Variants in SLF2 observed in about 807,000 individuals in gnomAD.
SLF2 encodes SMC5/6 complex localization factor 2.
In SLF2, 68 loss-of-function variants were observed where a neutral mutation model predicts 124.3. That is an observed-to-expected ratio of 0.55 (90% CI 0.45 to 0.67). SLF2 has a LOEUF of 0.67. SLF2 is among the 30% of genes least tolerant of loss of function. The pLI is 0.00. For synonymous variants in SLF2, 480 were observed against 478.8 expected (o/e 1.00, Z -0.03); for missense variants, 1,246 against 1,373.7 (o/e 0.91, Z 1.47).
At chr10:100,937,236 C>G (rs1401179884) in intron 9 of SLF2, among the ~76,000 whole-genome samples, 166 bp from the exon 10 acceptor site, 1 of 152,154 alleles carries the variant, frequency 6.6e-6, no homozygotes, top group Admixed American at 6.5e-5. Flanking sequence ...GTCTCAAACT[C>G]CTAAGCTCAA....
chr10:100,947,744 T>G lies in SLF2; in HGVS notation c.3033-16T>G. The stretch of plus-strand genomic sequence containing the variant: ...AATTAAAATACATTCTAAATACTTT[T>G]AACTTCTAATTCTAGGCAACTGAGA... On this transcript the variant is annotated splice_polypyrimidine_tract_variant and intron_variant, in intron 14 of 19. Coordinates refer to ENST00000238961, the MANE Select transcript of SLF2 (RefSeq NM_018121.4). The G allele has an allele frequency of 6.4e-7, 1 of 1,573,500 alleles. No homozygotes were observed. Among genetic ancestry groups the G allele is most frequent in the South Asian group, 1.1e-5 (1 of 89,148 alleles).
At chr10:100,934,231 G>A (rs1388612673) in intron 9 of SLF2, among the ~76,000 whole-genome samples, 1 of 152,216 alleles carries the variant, frequency 6.6e-6, no homozygotes, top group Admixed American at 6.5e-5. Context: ...ATCTCAGAGT[G>A]TTGATACGTT....
chr10:100,942,448 G>A (rs1220244507), intron 11 of SLF2, among the ~76,000 whole-genome samples: 3 of 152,146 alleles, frequency 2.0e-5, no homozygotes, highest in Admixed American at 6.5e-5. Flanking sequence ...ATGGGGATGG[G>A]AGTGCATAGA....
chr10:100,928,290 A>C (rs921005247), intron 6 of SLF2, among the ~76,000 whole-genome samples: 1 of 152,146 alleles, frequency 6.6e-6, no homozygotes, highest in African/African-American at 2.4e-5. Flanking sequence ...ACATATCTCA[A>C]ACTTGATAAC....
In SLF2 at chr10:100,959,514, A is replaced by T; in HGVS notation, c.3486+18A>T. The T allele has an allele frequency of 6.2e-7, 1 of 1,612,696 alleles. No individual in the cohort carries two copies. Among genetic ancestry groups the T allele is most frequent in the Non-Finnish European group, 8.5e-7 (1 of 1,179,572 alleles). ...CTACTCAGGTGTCATTTTGTTATAC[A>T]ATTTCATGTATTCTTAATAGTTTTG... On this transcript the variant is annotated intron_variant, in intron 19 of 19. Transcript: ENST00000238961.
intron 1 of SLF2, chr10:100,913,881 TC>T (rs1310062424): frequency 1.0e-6 from 1 of 985,080 alleles, no homozygotes; most frequent in African/African-American, 1.7e-5. Flanking sequence ...ATGTTTAAAT[TC>T]CCTACGAACT....
chr10:100,956,650 C>T, intron 18 of SLF2, 113 bp downstream of exon 18: 2 of 698,420 alleles, frequency 2.9e-6, no homozygotes, highest in South Asian at 2.2e-5. Flanking sequence ...TAAGGCTAGG[C>T]ATGGTGGCTC....
At position 100,964,519 on chromosome 10, in the gene SLF2, C is replaced by T. The variant is rs1011591899; in HGVS notation, c.*2607C>T. Reference sequence around the variant, plus strand: ...TAAAGTAACAGCATTTGTACATTTTCTATCTCCTGATGGCAGTGGTGCCTT... The same window carrying T: ...TAAAGTAACAGCATTTGTACATTTTTTATCTCCTGATGGCAGTGGTGCCTT... On this transcript the variant is annotated 3_prime_UTR_variant, in exon 20 of 20. Coordinates refer to ENST00000238961, the MANE Select transcript of SLF2 (RefSeq NM_018121.4). 4.6e-5 allele frequency: 7 copies of T among 152,634 alleles called. No homozygotes were observed. 9.5% of individuals were successfully genotyped at this position (152,634 alleles called of 1,614,324 possible).
rs1849343948 is a variant in SLF2 at position 100,913,008 on chromosome 10, C to T, written c.-103C>T. The T allele has an allele frequency of 4.6e-6, 6 of 1,301,210 alleles. No homozygotes were observed. The highest frequency in any genetic ancestry group is 6.4e-6 in the Non-Finnish European group (6 of 937,948). The allele number at this position is 1,301,210 out of a possible 1,614,324, so 80.6% of individuals were successfully genotyped here. ...CATGAAGAGAGAAGGGGGTGCCGCC[C>T]ACCTCTGCTCCGACAGCCTCCCGGA... On this transcript the variant is annotated 5_prime_UTR_variant, in exon 1 of 20. Coordinates refer to ENST00000238961, the MANE Select transcript of SLF2 (RefSeq NM_018121.4).
intron 11 of SLF2, among the ~76,000 whole-genome samples, chr10:100,939,726 A>G (rs911961565): frequency 1.8e-4 from 28 of 152,182 alleles, no homozygotes; most frequent in African/African-American, 6.5e-4. Flanking sequence ...TTTCAAGTCA[A>G]TAAGAAAAAG....
intron 19 of SLF2, 61 bp downstream of exon 19, chr10:100,959,557 T>G: frequency 6.3e-7 from 1 of 1,595,936 alleles, no homozygotes; most frequent in Non-Finnish European, 8.5e-7. Flanking sequence ...GCACTCTTCA[T>G]ACTGTTTGAA....
At chr10:100,956,213 C>T (rs966555717) in intron 17 of SLF2, among the ~76,000 whole-genome samples, 2 of 151,926 alleles carry the variant, frequency 1.3e-5, no homozygotes, top group African/African-American at 4.8e-5. Flanking sequence ...TTCATTAATG[C>T]GAGTTAATGC....
At chr10:100,956,275 T>C (rs1032235082) in intron 17 of SLF2, among the ~76,000 whole-genome samples, 176 bp from the exon 18 acceptor site, 2 of 152,170 alleles carry the variant, frequency 1.3e-5, no homozygotes, top group African/African-American at 4.8e-5. Context: ...AGTAATCTTA[T>C]TGTCATGGAA....
chr10:100,936,557 G>C (rs1262597208), intron 9 of SLF2, among the ~76,000 whole-genome samples: 1 of 150,530 alleles, frequency 6.6e-6, no homozygotes, highest in Non-Finnish European at 1.5e-5. Context: ...GGATGGTCTC[G>C]ATCTCCTGAC....
chr10:100,934,308 A>G (rs938044397), intron 9 of SLF2, among the ~76,000 whole-genome samples: 1 of 152,166 alleles, frequency 6.6e-6, no homozygotes, highest in African/African-American at 2.4e-5. Context: ...ACCCAATCTC[A>G]ACTGATAGAC....
chr10:100,926,226 T>C, intron 6 of SLF2: 1 of 1,540,714 alleles, frequency 6.5e-7, no homozygotes. Context: ...GCAAGATTAC[T>C]TGAGCCCAGG....
chr10:100,934,546 A>G (rs1378334227), intron 9 of SLF2, among the ~76,000 whole-genome samples: 1 of 152,132 alleles, frequency 6.6e-6, no homozygotes, highest in Non-Finnish European at 1.5e-5. Flanking sequence ...CACAAGCCAT[A>G]TGACTGTTTG....
intron 11 of SLF2, among the ~76,000 whole-genome samples, chr10:100,941,380 T>C (rs1399679277): frequency 1.5e-4 from 23 of 152,212 alleles, no homozygotes; most frequent in Admixed American, 1.5e-3. Context: ...AAATACATTC[T>C]AACCTCCTTC....
Position 100,962,829 on chromosome 10 carries a change from CTG to C in SLF2, c.*921_*922del, listed in dbSNP as rs750169112. The C allele has an allele frequency of 9.3e-5, 14 of 150,446 alleles. No individual in the cohort carries two copies. Among genetic ancestry groups the C allele is most frequent in the Non-Finnish European group, 1.6e-4 (11 of 67,742 alleles). 9.3% of individuals were successfully genotyped at this position (150,446 alleles called of 1,614,324 possible). On this transcript the variant is annotated 3_prime_UTR_variant, in exon 20 of 20. Coordinates refer to ENST00000238961, the MANE Select transcript of SLF2 (RefSeq NM_018121.4). ...GCAGACACCTGAATTCTTTGGGACA[CTG>C]TGTCTGTGTATGTGTGTGTGTGTGT...
Sources: allele counts gnomAD v4.1 joint callset (sites outside exome capture counted in the v4.1 genomes callset), GRCh38; gene constraint gnomAD v4.1.1; transcripts MANE v1.5; gene names NCBI Gene and HGNC (gene_info 2026-07-23, HGNC 2026-07-21).